The following GCKR variants were observed in gnomAD, a reference collection of about 807,000 sequenced individuals.
GCKR encodes glucokinase regulator.
In GCKR, 73 loss-of-function variants were observed where a neutral mutation model predicts 82.9. The ratio of observed to expected loss-of-function variants is 0.88; its 90% CI spans 0.73 to 1.07. The LOEUF (loss-of-function observed/expected upper bound fraction) is 1.07. GCKR is among the 50% of genes least tolerant of loss of function. The pLI, the probability that GCKR is intolerant of heterozygous loss-of-function variation, is 0.00. For synonymous variants in GCKR, 294 were observed against 291.8 expected, an observed-to-expected ratio of 1.01 and a Z score of -0.08; for missense variants, 784 against 782.1, an observed-to-expected ratio of 1.00 and a Z score of -0.03.
intron 16 of GCKR, among the ~76,000 whole-genome samples, chr2:27,513,258 C>T (rs916520127): frequency 2.6e-5 from 4 of 152,032 alleles, no homozygotes; most frequent in Admixed American, 6.6e-5. Flanking sequence ...CATCCAGGTG[C>T]GGTGGCTCAC....
chr2:27,510,643 AT>A (rs1179429111), intron 16 of GCKR, among the ~76,000 whole-genome samples: 1 of 152,224 alleles, frequency 6.6e-6, no homozygotes, highest in Non-Finnish European at 1.5e-5. Flanking sequence ...TTATAAAAAA[AT>A]CTTTGCTAAT....
At chr2:27,507,173 C>A in intron 12 of GCKR, 62 bp from the exon 13 acceptor site, 1 of 1,163,120 alleles carries the variant, frequency 8.6e-7, no homozygotes, top group Non-Finnish European at 1.3e-6. Context: ...CCCCCTGAAG[C>A]CTAGAACCTT....
At chr2:27,508,302 G>C (rs62131875) in intron 16 of GCKR, 51 bp downstream of exon 16, 1 of 1,198,864 alleles carries the variant, frequency 8.3e-7, no homozygotes, top group Non-Finnish European at 1.2e-6. Flanking sequence ...AGAGGGTGAG[G>C]GATTCCAAGA....
chr2:27,497,019 A>C, intron 1 of GCKR, 55 bp downstream of exon 1: 1 of 1,450,238 alleles, frequency 6.9e-7, no homozygotes, highest in Non-Finnish European at 9.7e-7. Flanking sequence ...ATTATTTTTC[A>C]TCCAGTCTTC....
chr2:27,505,116 A>AG (rs1553341127), intron 9 of GCKR, among the ~76,000 whole-genome samples: 1 of 96,540 alleles, frequency 1.0e-5, no homozygotes, highest in African/African-American at 4.4e-5. Context: ...GCAGAGTGAG[A>AG]CTCCATCTCA....
At chr2:27,505,312 C>T (rs576146150) in intron 9 of GCKR, among the ~76,000 whole-genome samples, 168 of 144,772 alleles carry the variant, frequency 1.2e-3, no homozygotes, top group African/African-American at 4.0e-3. Context: ...AGGAGAATGG[C>T]GTGAACCCAG....
In GCKR at chr2:27,497,300, G is replaced by A; in HGVS notation, c.117G>A (p.Gln39=). 6.2e-7 allele frequency: 1 copy of A among 1,614,180 alleles called. No individual in the cohort carries two copies. Among genetic ancestry groups the A allele is most frequent in the Non-Finnish European group, 8.5e-7 (1 of 1,180,018 alleles). ...PITEKSNPLT[Q]DLDKADAENI... ...CGGAGAAGTCAAACCCACTGACCCA[G>A]GATCTAGACAAAGCAGATGCTGAGA... Residue 39 remains glutamine (Q), a synonymous_variant, in exon 2 of 19, where the codon CAG becomes CAA. Coordinates refer to ENST00000264717, the MANE Select transcript of GCKR (RefSeq NM_001486.4).
At chr2:27,502,341 C>T (rs1213020334) in intron 8 of GCKR, among the ~76,000 whole-genome samples, 1 of 152,190 alleles carries the variant, frequency 6.6e-6, no homozygotes, top group African/African-American at 2.4e-5. Context: ...TTTCAAACAA[C>T]GTAGGCGTGG....
intron 7 of GCKR, among the ~76,000 whole-genome samples, chr2:27,500,387 C>T (rs970468779): frequency 1.3e-5 from 2 of 152,214 alleles, no homozygotes; most frequent in Non-Finnish European, 2.9e-5. Flanking sequence ...ATCTGCCCAC[C>T]TTGGCCTCCC....
intron 9 of GCKR, among the ~76,000 whole-genome samples, chr2:27,505,040 C>T (rs1435452700): frequency 3.1e-5 from 4 of 129,940 alleles, no homozygotes; most frequent in Admixed American, 8.2e-5. Context: ...GCAGGAGAAT[C>T]GCTTGAATTT....
chr2:27,506,712 C>A, intron 11 of GCKR, 76 bp from the exon 12 acceptor site: 2 of 1,110,738 alleles, frequency 1.8e-6, no homozygotes, highest in African/African-American at 1.5e-5. Context: ...TTTGTTGACT[C>A]CTGTGTTCTT....
intron 12 of GCKR, 110 bp downstream of exon 12, chr2:27,506,995 C>A: frequency 2.5e-6 from 2 of 812,834 alleles, no homozygotes; most frequent in Non-Finnish European, 4.4e-6. Flanking sequence ...CAGTGTCCCA[C>A]CTTCCCTATC....
chr2:27,517,951 T>A (rs566683092), intron 16 of GCKR, among the ~76,000 whole-genome samples: 1 of 152,342 alleles, frequency 6.6e-6, no homozygotes, highest in Non-Finnish European at 1.5e-5. Context: ...GTTAATTTAC[T>A]TCTGACCTCT....
At chr2:27,506,749 C>A in intron 11 of GCKR, 39 bp from the exon 12 acceptor site, 2 of 1,339,738 alleles carry the variant, frequency 1.5e-6, no homozygotes, top group Non-Finnish European at 2.2e-6. Flanking sequence ...CCTCTTTGCA[C>A]GGTGATCTCT....
chr2:27,507,232 C>T lies in GCKR; in HGVS notation c.1067-3C>T, dbSNP rs2148585338. ...CCTCTCTCCTTGTTCTTAAACTTCC[C>T]AGATTTCCGAGATGTCCGTGGCTTT... is the stretch of plus-strand genomic sequence containing the variant. On this transcript the variant is annotated splice_region_variant and splice_polypyrimidine_tract_variant and intron_variant, in intron 12 of 18. Coordinates refer to ENST00000264717, the MANE Select transcript of GCKR (RefSeq NM_001486.4). The T allele has an allele frequency of 6.2e-7, 1 of 1,604,344 alleles. No homozygotes were observed. The highest frequency in any genetic ancestry group is 8.5e-7 in the Non-Finnish European group (1 of 1,171,042).
At chr2:27,497,142 G>A in intron 1 of GCKR, 102 bp from the exon 2 acceptor site, 1 of 1,399,274 alleles carries the variant, frequency 7.1e-7, no homozygotes, top group East Asian at 2.3e-5. Context: ...GTGCGTGTGT[G>A]TAAGTCCAAA....
rs1208047419 is a variant in GCKR, at chr2:27,523,293, C to G, written c.1732C>G (p.Leu578Val). 6.2e-7 allele frequency: 1 copy of G among 1,613,074 alleles called. No individual in the cohort carries two copies. The highest frequency in any genetic ancestry group is 2.2e-5 in the East Asian group (1 of 44,882). The change falls in exon 19 of 19, where the codon CTC becomes GTC. Residue 578 changes from leucine (L) to valine (V), a missense_variant. Leu to Val is a conservative substitution (Grantham distance 32). Coordinates refer to ENST00000264717, the MANE Select transcript of GCKR (RefSeq NM_001486.4). ...EQVIPIALLS[L>V]LFRCSITEAQ... ...GGTGATACCCATCGCCTTGCTGAGC[C>G]TCCTATTCCGGTGCTCGATCACTGA...
intron 17 of GCKR, among the ~76,000 whole-genome samples, chr2:27,520,984 C>T (rs1670137610): frequency 6.6e-6 from 1 of 152,008 alleles, no homozygotes; most frequent in African/African-American, 2.4e-5. Context: ...GTGGAGGTTT[C>T]AGTGAGCCAA....
intron 16 of GCKR, among the ~76,000 whole-genome samples, chr2:27,518,068 CAT>C (rs575583354): frequency 6.8e-4 from 104 of 152,222 alleles, no homozygotes; most frequent in Middle Eastern, 3.4e-3. Flanking sequence ...TCCCCTGAGA[CAT>C]AGTCTCACTC....
Sources: gnomAD v4.1 joint callset for allele counts (sites outside exome capture counted in the v4.1 genomes callset) on GRCh38, gnomAD v4.1.1 for gene constraint, MANE v1.5 for transcripts, NCBI Gene and HGNC (gene_info 2026-07-23, HGNC 2026-07-21) for gene names.